The following ADGRL3 variants were observed in gnomAD, a reference collection of about 807,000 sequenced individuals.
ADGRL3 encodes the protein adhesion G protein-coupled receptor L3.
ADGRL3 carries 62 observed loss-of-function variants against 153.5 expected under a neutral mutation model. That is an observed-to-expected ratio of 0.40 (90% CI 0.33 to 0.50). The LOEUF is 0.50. Ranked by LOEUF, ADGRL3 falls within the 20% of genes least tolerant of loss-of-function variation. The pLI, the probability that ADGRL3 is intolerant of heterozygous loss-of-function variation, is 0.47. For missense variants in ADGRL3, 1,641 were observed against 1,859.4 expected (o/e 0.88, Z 2.16); for synonymous variants, 710 against 672.5 (o/e 1.06, Z -0.86).
chr4:61,715,122 G>A (rs1031039508), intron 6 of ADGRL3, among the ~76,000 whole-genome samples: 1 of 152,160 alleles, frequency 6.6e-6, no homozygotes, highest in East Asian at 1.9e-4. Context: ...TTCTTAAAGA[G>A]CAGCTGTAAT....
chr4:61,512,942 G>T (rs923580448), intron 3 of ADGRL3, among the ~76,000 whole-genome samples: 1 of 152,042 alleles, frequency 6.6e-6, no homozygotes, highest in South Asian at 2.1e-4. Context: ...ACTCTGTAAG[G>T]CTCATGGTTG....
chr4:61,660,187 C>G (rs2094554975), intron 5 of ADGRL3, among the ~76,000 whole-genome samples: 1 of 152,034 alleles, frequency 6.6e-6, no homozygotes, highest in African/African-American at 2.4e-5. Context: ...TCAGTGAGAC[C>G]TTTTTTGAAA....
chr4:61,299,813 AC>A (rs977017032), intron 1 of ADGRL3, among the ~76,000 whole-genome samples: 1 of 152,190 alleles, frequency 6.6e-6, no homozygotes, highest in African/African-American at 2.4e-5. Context: ...TTAACAGTTC[AC>A]TGTTCCCTAG....
chr4:61,367,188 T>C (rs2096413604), intron 1 of ADGRL3, among the ~76,000 whole-genome samples: 1 of 152,120 alleles, frequency 6.6e-6, no homozygotes, highest in Non-Finnish European at 1.5e-5. Flanking sequence ...AAATTTGGGA[T>C]GTACAAAAAT....
intron 8 of ADGRL3, among the ~76,000 whole-genome samples, chr4:61,800,434 G>T (rs1408477910): frequency 2.6e-5 from 4 of 152,148 alleles, no homozygotes; most frequent in African/African-American, 4.8e-5. Flanking sequence ...ATTAGCTAAT[G>T]ATTTTCATAA....
At chr4:61,938,208 GCCAATTATAAA>G (rs975113562) in intron 15 of ADGRL3, among the ~76,000 whole-genome samples, 13 of 152,282 alleles carry the variant, frequency 8.5e-5, no homozygotes, top group Admixed American at 3.9e-4. Context: ...TGAATTATCA[GCCAATTATAAA>G]CCAATTAAAA....
chr4:61,984,745 C>G (rs1217989818), intron 19 of ADGRL3, among the ~76,000 whole-genome samples: 3 of 152,084 alleles, frequency 2.0e-5, no homozygotes, highest in African/African-American at 7.2e-5. Flanking sequence ...CTTCTGGGCT[C>G]AAGTGATCCA....
At chr4:61,685,553 A>G (rs1045914765) in intron 6 of ADGRL3, among the ~76,000 whole-genome samples, 1 of 152,044 alleles carries the variant, frequency 6.6e-6, no homozygotes, top group Non-Finnish European at 1.5e-5. Flanking sequence ...GAGATAGGCC[A>G]AGAGTCTGGG....
chr4:61,464,336 C>G (rs1332954225), intron 2 of ADGRL3, among the ~76,000 whole-genome samples: 1 of 152,076 alleles, frequency 6.6e-6, no homozygotes, highest in East Asian at 1.9e-4. Flanking sequence ...AGGCATATGG[C>G]AAAAGGGTGA....
chr4:62,062,816 G>A (rs563081008), intron 25 of ADGRL3, among the ~76,000 whole-genome samples: 79 of 152,144 alleles, frequency 5.2e-4, no homozygotes, highest in African/African-American at 1.8e-3. Context: ...ACATCATAAA[G>A]TTAATAATTT....
intron 2 of ADGRL3, among the ~76,000 whole-genome samples, chr4:61,462,334 C>T (rs2097831145): frequency 6.6e-6 from 1 of 152,126 alleles, no homozygotes; most frequent in Admixed American, 6.6e-5. Context: ...GGAAAGATAA[C>T]AACTCGAGTC....
intron 3 of ADGRL3, 143 bp downstream of exon 3, chr4:61,497,491 A>G (rs2098332237): frequency 3.9e-6 from 2 of 514,464 alleles, no homozygotes; most frequent in East Asian, 3.5e-5. Context: ...ATAAAAGAAC[A>G]TAATGTGTAT....
intron 5 of ADGRL3, among the ~76,000 whole-genome samples, chr4:61,591,044 G>T (rs917485197): frequency 6.6e-6 from 1 of 152,078 alleles, no homozygotes; most frequent in African/African-American, 2.4e-5. Flanking sequence ...CACAGATAAG[G>T]CAGAAAATTA....
chr4:61,234,333 G>A (rs116296867), intron 1 of ADGRL3, among the ~76,000 whole-genome samples: 1,758 of 152,182 alleles, frequency 0.012, 40 homozygotes, highest in African/African-American at 0.039. Context: ...AAACCCATCC[G>A]GTCTCGTGAG....
chr4:61,215,676 T>C (rs940013108), intron 1 of ADGRL3, among the ~76,000 whole-genome samples: 11 of 149,594 alleles, frequency 7.4e-5, no homozygotes, highest in African/African-American at 2.7e-4. Context: ...CTCAGCCTCC[T>C]GAGTAGCTGG....
intron 2 of ADGRL3, among the ~76,000 whole-genome samples, chr4:61,479,240 T>C (rs2098104492): frequency 6.6e-6 from 1 of 152,068 alleles, no homozygotes; most frequent in East Asian, 1.9e-4. Context: ...TCCCTGAGTA[T>C]AAATAAACTA....
At chr4:61,659,355 A>T (rs2094527722) in intron 5 of ADGRL3, among the ~76,000 whole-genome samples, 1 of 152,202 alleles carries the variant, frequency 6.6e-6, no homozygotes, top group Non-Finnish European at 1.5e-5. Context: ...GCATAGATGC[A>T]CTAAACCTAT....
At chr4:61,885,960 A>T (rs1004080119) in intron 9 of ADGRL3, among the ~76,000 whole-genome samples, 1 of 152,136 alleles carries the variant, frequency 6.6e-6, no homozygotes, top group South Asian at 2.1e-4. Flanking sequence ...CCAAAATCTT[A>T]TATTTTTGCT....
intron 23 of ADGRL3, among the ~76,000 whole-genome samples, chr4:62,036,660 T>C (rs751777373): frequency 1.3e-5 from 2 of 152,114 alleles, no homozygotes; most frequent in Non-Finnish European, 2.9e-5. Context: ...GTTCAAAACT[T>C]TGATTTAAAT....
Sources: allele counts gnomAD v4.1 joint callset (sites outside exome capture counted in the v4.1 genomes callset), GRCh38; gene constraint gnomAD v4.1.1; transcripts MANE v1.5; gene names NCBI Gene and HGNC (gene_info 2026-07-23, HGNC 2026-07-21).